Variants in CNTN4 observed in about 807,000 individuals in gnomAD.
CNTN4 encodes contactin-4.
In CNTN4, 77 loss-of-function variants were observed where a neutral mutation model predicts 122.5. That is an observed-to-expected ratio of 0.63 (90% confidence interval 0.52 to 0.76). The LOEUF is 0.76. Among genes scored for constraint, CNTN4 ranks in the 30% least tolerant of loss-of-function variants. The pLI is 0.00. For synonymous variants in CNTN4, 512 were observed against 447.0 expected (o/e 1.15, Z -1.83); for missense variants, 1,256 against 1,259.1 (o/e 1.00, Z 0.04).
At chr3:2,723,494 G>A (rs1208007487) in intron 4 of CNTN4, among the ~76,000 whole-genome samples, 1 of 152,206 alleles carries the variant, frequency 6.6e-6, no homozygotes, top group Non-Finnish European at 1.5e-5. Context: ...GGGCTGCTCT[G>A]TGCTTCCAAG....
chr3:2,407,249 G>A (rs944188455), intron 3 of CNTN4, among the ~76,000 whole-genome samples: 1 of 152,184 alleles, frequency 6.6e-6, no homozygotes, highest in East Asian at 1.9e-4. Context: ...ATTTTTACTT[G>A]TAATTTATTT....
intron 2 of CNTN4, among the ~76,000 whole-genome samples, chr3:2,164,955 A>G (rs2036132962): frequency 6.6e-6 from 1 of 152,206 alleles, no homozygotes; most frequent in African/African-American, 2.4e-5. Flanking sequence ...AATAGGTCAC[A>G]ATATGAGAAG....
At chr3:2,648,851 A>G (rs150556130) in intron 4 of CNTN4, among the ~76,000 whole-genome samples, 35 of 152,354 alleles carry the variant, frequency 2.3e-4, no homozygotes, top group African/African-American at 8.4e-4. Context: ...ATGCAAAGGA[A>G]AAATTCTTGA....
chr3:2,266,935 A>C (rs2041074362), intron 2 of CNTN4, among the ~76,000 whole-genome samples: 1 of 152,158 alleles, frequency 6.6e-6, no homozygotes, highest in South Asian at 2.1e-4. Context: ...TTCCTCTTCA[A>C]ATATGAGCAA....
intron 4 of CNTN4, among the ~76,000 whole-genome samples, chr3:2,599,244 TCA>T (rs2149724147): frequency 6.6e-6 from 1 of 152,306 alleles, no homozygotes; most frequent in East Asian, 1.9e-4. Context: ...TTCCATTCTA[TCA>T]CAGTTTTAAG....
In CNTN4 at chr3:3,040,069, C is replaced by G. The variant is rs1172129691; in HGVS notation, c.2196C>G (p.Gly732=). The G allele has an allele frequency of 1.2e-6, 2 of 1,614,024 alleles. No homozygotes were observed. The highest frequency in any genetic ancestry group is 4.5e-5 in the East Asian group (2 of 44,888). The part of the protein sequence containing the change: ...TVPEELQNGR[G]FGYVVAFRPY... ...CTGAGGAATTACAGAATGGTCGAGG[C>G]TTTGGTTATGTGGTGGCCTTCCGGC... Residue 732 remains glycine (G), a synonymous_variant, in exon 20 of 25, where the codon GGC becomes GGG. Transcript: ENST00000418658.
At chr3:2,779,743 A>G (rs1307176676) in intron 6 of CNTN4, among the ~76,000 whole-genome samples, 2 of 152,220 alleles carry the variant, frequency 1.3e-5, no homozygotes, top group Non-Finnish European at 2.9e-5. Flanking sequence ...AGGATAATGT[A>G]TTTGAAGTAT....
intron 3 of CNTN4, among the ~76,000 whole-genome samples, chr3:2,342,077 G>T (rs965993782): frequency 6.6e-6 from 1 of 152,212 alleles, no homozygotes; most frequent in Non-Finnish European, 1.5e-5. Flanking sequence ...GGGCCATTTA[G>T]ATGTTCTTAT....
intron 14 of CNTN4, among the ~76,000 whole-genome samples, chr3:3,008,716 CT>C (rs562889051): frequency 1.4e-4 from 21 of 152,192 alleles, no homozygotes; most frequent in Admixed American, 3.9e-4. Context: ...CATTTCCCTT[CT>C]CAAACGACCC....
intron 3 of CNTN4, among the ~76,000 whole-genome samples, chr3:2,345,479 T>G (rs1470632131): frequency 6.6e-6 from 1 of 152,188 alleles, no homozygotes; most frequent in Non-Finnish European, 1.5e-5. Flanking sequence ...ATGCTTTTCC[T>G]TATGGTTAAT....
intron 2 of CNTN4, among the ~76,000 whole-genome samples, chr3:2,184,301 A>G (rs987698365): frequency 3.9e-5 from 6 of 152,110 alleles, no homozygotes; most frequent in African/African-American, 1.4e-4. Context: ...TTTTCATTAA[A>G]AGGAACTTCC....
intron 3 of CNTN4, among the ~76,000 whole-genome samples, chr3:2,403,180 C>T (rs2046919148): frequency 6.6e-6 from 1 of 152,008 alleles, no homozygotes; most frequent in African/African-American, 2.4e-5. Context: ...TTTCCTCCTT[C>T]TAAAGGATGC....
chr3:2,925,876 T>G, intron 13 of CNTN4, 97 bp downstream of exon 13: 3 of 1,052,038 alleles, frequency 2.9e-6, no homozygotes, highest in Non-Finnish European at 4.4e-6. Context: ...GACTATCTGC[T>G]GTTCCTGAAC....
intron 3 of CNTN4, among the ~76,000 whole-genome samples, chr3:2,513,152 T>C (rs145480403): frequency 2.0e-5 from 3 of 152,276 alleles, no homozygotes; most frequent in African/African-American, 7.2e-5. Context: ...AAAAAGTAAG[T>C]GTGCAAAAAG....
chr3:2,507,115 C>T (rs766847382), intron 3 of CNTN4, among the ~76,000 whole-genome samples: 3 of 152,114 alleles, frequency 2.0e-5, no homozygotes, highest in Non-Finnish European at 2.9e-5. Context: ...TGTAGAGCAC[C>T]AACATTTATA....
At chr3:2,742,552 TG>T (rs1318769605) in intron 5 of CNTN4, among the ~76,000 whole-genome samples, 1 of 63,726 alleles carries the variant, frequency 1.6e-5, no homozygotes, top group Non-Finnish European at 3.4e-5. Context: ...AAGAGGATTT[TG>T]CTACAGCGAA....
At chr3:3,038,843 C>G (rs163543) in intron 18 of CNTN4, 90 bp from the exon 19 acceptor site, 2 of 1,043,878 alleles carry the variant, frequency 1.9e-6, no homozygotes, top group Non-Finnish European at 3.0e-6. Context: ...AGAGTACTCA[C>G]TGAAAGTGAG....
chr3:2,193,013 T>A (rs2037657849), intron 2 of CNTN4, among the ~76,000 whole-genome samples: 1 of 152,102 alleles, frequency 6.6e-6, no homozygotes, highest in South Asian at 2.1e-4. Flanking sequence ...TCTCTCTGAT[T>A]TCCTTATTTC....
intron 12 of CNTN4, among the ~76,000 whole-genome samples, chr3:2,912,399 T>G (rs1308529782): frequency 6.6e-6 from 1 of 152,158 alleles, no homozygotes; most frequent in Non-Finnish European, 1.5e-5. Flanking sequence ...CTGAATGAGT[T>G]TATCACCACT....
Sources: gnomAD v4.1 joint callset for allele counts (sites outside exome capture counted in the v4.1 genomes callset) on GRCh38, gnomAD v4.1.1 for gene constraint, MANE v1.5 for transcripts, NCBI Gene and HGNC (gene_info 2026-07-23, HGNC 2026-07-21) for gene names.